Variants in MAP2 observed in about 807,000 individuals in gnomAD.
The protein encoded by MAP2 is microtubule associated protein 2, also known as microtubule-associated protein 2.
A neutral mutation model predicts 137.6 loss-of-function variants in MAP2; 14 were observed. That is an observed-to-expected ratio of 0.10 (90% CI 0.07 to 0.16). The LOEUF (loss-of-function observed/expected upper bound fraction) is 0.16, where lower values mean the gene tolerates loss of function less well. Among genes scored for constraint, MAP2 ranks in the 10% least tolerant of loss-of-function variants. The probability of loss-of-function intolerance (pLI) is 1.00; values close to 1 mark genes in which losing one functional copy is unlikely to be tolerated. For missense variants in MAP2, 2,088 were observed against 2,191.5 expected, an observed-to-expected ratio of 0.95 and a Z score of 0.94; for synonymous variants, 786 against 782.3, an observed-to-expected ratio of 1.00 and a Z score of -0.08.
chr2:209,494,345 T>C (rs2059486214), intron 1 of MAP2, among the ~76,000 whole-genome samples: 1 of 151,476 alleles, frequency 6.6e-6, no homozygotes, highest in Non-Finnish European at 1.5e-5. Flanking sequence ...GACTGTTTGA[T>C]GGGTGCAGCA....
intron 1 of MAP2, among the ~76,000 whole-genome samples, chr2:209,494,582 A>G (rs1194495207): frequency 3.3e-5 from 5 of 152,160 alleles, no homozygotes; most frequent in Non-Finnish European, 7.4e-5. Flanking sequence ...ATGGTCTAAA[A>G]AGGTGAGGCA....
chr2:209,466,640 G>A (rs1347077834), intron 1 of MAP2, among the ~76,000 whole-genome samples: 4 of 152,188 alleles, frequency 2.6e-5, no homozygotes, highest in African/African-American at 9.7e-5. Context: ...AGGTAATGGA[G>A]CAAAGATTTA....
At chr2:209,679,747 A>G (rs951633266) in intron 6 of MAP2, among the ~76,000 whole-genome samples, 1 of 152,114 alleles carries the variant, frequency 6.6e-6, no homozygotes, top group African/African-American at 2.4e-5. Flanking sequence ...CACATAGAGA[A>G]TTATCTAATC....
chr2:209,454,149 CAAAAAAAAAAA>C (rs869200843), intron 1 of MAP2, among the ~76,000 whole-genome samples: 1 of 61,130 alleles, frequency 1.6e-5, no homozygotes, highest in African/African-American at 5.4e-5. Context: ...GACTCTGTCT[CAAAAAAAAAAA>C]AAAAAAAAAA....
intron 2 of MAP2, among the ~76,000 whole-genome samples, chr2:209,509,034 A>G (rs1051482065): frequency 4.6e-5 from 7 of 151,966 alleles, no homozygotes; most frequent in African/African-American, 1.7e-4. Context: ...AATATTTTCA[A>G]TGCACAGAGT....
Position 209,495,831 on chromosome 2 carries a change from C to T in MAP2, c.-221-11761C>T, listed in dbSNP as rs1325797597. On this transcript the variant is annotated intron_variant, in intron 1 of 15. Transcript: ENST00000682079. Reference sequence around the variant, plus strand: ...ATTGTTGTTTTGTATTAGAATGGTACTCTAGCCTTCATAAAACAAATTCCA... The same window carrying T: ...ATTGTTGTTTTGTATTAGAATGGTATTCTAGCCTTCATAAAACAAATTCCA... Among the ~76,000 whole-genome samples, 7 of 152,266 alleles carry T rather than the reference C, an allele frequency of 4.6e-5. No homozygotes were observed. In the East Asian group the frequency reaches 1.2e-3, roughly 25 times the overall value.
chr2:209,501,993 A>C (rs1226695380), intron 1 of MAP2, among the ~76,000 whole-genome samples: 1 of 152,044 alleles, frequency 6.6e-6, no homozygotes, highest in Non-Finnish European at 1.5e-5. Context: ...GTATATATTT[A>C]AGTGTGCAAC....
chr2:209,566,357 T>C (rs1157130073), intron 2 of MAP2, among the ~76,000 whole-genome samples: 1 of 152,144 alleles, frequency 6.6e-6, no homozygotes, highest in Non-Finnish European at 1.5e-5. Context: ...ACTAAAATCT[T>C]CCTTGGAACA....
At chr2:209,539,952 A>G (rs1349402765) in intron 2 of MAP2, among the ~76,000 whole-genome samples, 1 of 150,650 alleles carries the variant, frequency 6.6e-6, no homozygotes. Flanking sequence ...AAAAAAAAAA[A>G]TAGCCAGGCT....
chr2:209,694,213 G>A lies in MAP2; in HGVS notation c.2043G>A (p.Leu681=). The A allele has an allele frequency of 6.2e-7, 1 of 1,614,096 alleles. No individual in the cohort carries two copies. The highest frequency in any genetic ancestry group is 1.1e-5 in the South Asian group (1 of 91,066). Residue 681 remains leucine (L), a synonymous_variant, in exon 8 of 16, where the codon TTG becomes TTA. Coordinates refer to ENST00000682079, the MANE Select transcript of MAP2 (RefSeq NM_001375505.1). ...TCCACAGTAAGAATAAGGATGATTT[G>A]ACCCTTAGCAGGAGTTTAGGACTTG... ...RDLHSKNKDD[L]TLSRSLGLGG...
At chr2:209,699,792 G>A (rs1013479803) in intron 10 of MAP2, among the ~76,000 whole-genome samples, 1 of 152,216 alleles carries the variant, frequency 6.6e-6, no homozygotes, top group Non-Finnish European at 1.5e-5. Context: ...GATCATGACA[G>A]TTTGAAATGT....
chr2:209,511,081 A>G (rs1157016119), intron 2 of MAP2, among the ~76,000 whole-genome samples: 1 of 152,222 alleles, frequency 6.6e-6, no homozygotes, highest in Non-Finnish European at 1.5e-5. Flanking sequence ...TACTCTACAA[A>G]TCTAAAAGTG....
chr2:209,557,806 G>A (rs1236692936), intron 2 of MAP2, among the ~76,000 whole-genome samples: 2 of 152,196 alleles, frequency 1.3e-5, no homozygotes, highest in East Asian at 3.9e-4. Context: ...AGTGGAAAAA[G>A]CACAGGATGT....
At chr2:209,636,283 T>G (rs1203002151) in intron 4 of MAP2, among the ~76,000 whole-genome samples, 1 of 152,074 alleles carries the variant, frequency 6.6e-6, no homozygotes, top group African/African-American at 2.4e-5. Flanking sequence ...AAAGATCCAG[T>G]AGTAATCAAT....
chr2:209,588,851 T>C (rs2078470233), intron 3 of MAP2, among the ~76,000 whole-genome samples: 1 of 152,056 alleles, frequency 6.6e-6, no homozygotes, highest in Non-Finnish European at 1.5e-5. Flanking sequence ...CCTAAAATGA[T>C]TGACTTTCCA....
intron 3 of MAP2, among the ~76,000 whole-genome samples, chr2:209,619,937 CA>C (rs1465119376): frequency 6.6e-6 from 1 of 152,102 alleles, no homozygotes; most frequent in East Asian, 1.9e-4. Context: ...GTCACTTCCT[CA>C]TTAAGGCATT....
chr2:209,528,755 T>A (rs748820856), intron 2 of MAP2, among the ~76,000 whole-genome samples: 25 of 146,308 alleles, frequency 1.7e-4, no homozygotes, highest in Non-Finnish European at 2.7e-4. Context: ...TATGTACATA[T>A]GTATGTATAT....
At chr2:209,446,062 T>C (rs1698983298) in intron 1 of MAP2, among the ~76,000 whole-genome samples, 1 of 151,774 alleles carries the variant, frequency 6.6e-6, no homozygotes, top group Non-Finnish European at 1.5e-5. Context: ...TGTTTAAAAT[T>C]GTTCAATTTA....
intron 2 of MAP2, among the ~76,000 whole-genome samples, chr2:209,573,859 C>T (rs1011943273): frequency 4.6e-5 from 7 of 152,124 alleles, no homozygotes; most frequent in Non-Finnish European, 1.0e-4. Context: ...CTAGGTATTT[C>T]ATATAAATGG....
Sources: gnomAD v4.1 joint callset for allele counts (sites outside exome capture counted in the v4.1 genomes callset) on GRCh38, gnomAD v4.1.1 for gene constraint, MANE v1.5 for transcripts, NCBI Gene and HGNC (gene_info 2026-07-23, HGNC 2026-07-21) for gene names.